The following FREM2 variants were observed in gnomAD, a reference collection of about 807,000 sequenced individuals.
FREM2 encodes FRAS1-related extracellular matrix protein 2.
In FREM2, 119 loss-of-function variants were observed where a neutral mutation model predicts 219.9. The ratio of observed to expected loss-of-function variants is 0.54; its 90% CI spans 0.47 to 0.63. FREM2 has a LOEUF of 0.63. Ranked by LOEUF, FREM2 falls within the 30% of genes least tolerant of loss-of-function variation. The pLI is 0.00. For synonymous variants in FREM2, 1,562 were observed against 1,522.8 expected (o/e 1.03, Z -0.60); for missense variants, 4,030 against 3,993.6 (o/e 1.01, Z -0.25).
chr13:38,786,634 A>T (rs1005731428), intron 6 of FREM2, among the ~76,000 whole-genome samples: 5 of 152,200 alleles, frequency 3.3e-5, no homozygotes, highest in Non-Finnish European at 7.4e-5. Flanking sequence ...GGTTTAATTT[A>T]AAAAAAGAAA....
Position 38,882,262 on chromosome 13 carries a change from G to T in FREM2, c.*1475G>T, listed in dbSNP as rs1878575907. The stretch of plus-strand genomic sequence containing the variant: ...AAGAAAAATAAGGTCAGGAGAAAAA[G>T]AATAATGCCTACAGATTATCCTTCA... On this transcript the variant is annotated 3_prime_UTR_variant, in exon 24 of 24. Coordinates refer to ENST00000280481, the MANE Select transcript of FREM2 (RefSeq NM_207361.6). 6.6e-6 allele frequency: 1 copy of T among 152,152 alleles called. No homozygotes were observed. Among genetic ancestry groups the T allele is most frequent in the Non-Finnish European group, 1.5e-5 (1 of 68,004 alleles). 9.4% of individuals were successfully genotyped at this position (152,152 alleles called of 1,614,324 possible).
chr13:38,729,879 T>C (rs1303998375), intron 2 of FREM2, among the ~76,000 whole-genome samples: 3 of 152,218 alleles, frequency 2.0e-5, no homozygotes, highest in African/African-American at 7.2e-5. Flanking sequence ...AAATATAAAG[T>C]AGTTTTATGT....
chr13:38,873,890 C>A (rs946029050), intron 17 of FREM2, among the ~76,000 whole-genome samples: 21 of 152,230 alleles, frequency 1.4e-4, no homozygotes, highest in Admixed American at 1.2e-3. Context: ...AATATGATAA[C>A]CCTGAGTTAT....
intron 17 of FREM2, 50 bp from the exon 18 acceptor site, chr13:38,874,432 G>A: frequency 7.1e-7 from 1 of 1,404,776 alleles, no homozygotes; most frequent in Non-Finnish European, 1.0e-6. Context: ...CTGTACATAA[G>A]GGGTCTCTGG....
chr13:38,710,788 A>T (rs1394946889), intron 2 of FREM2, among the ~76,000 whole-genome samples: 1 of 152,240 alleles, frequency 6.6e-6, no homozygotes, highest in Non-Finnish European at 1.5e-5. Context: ...AAGTCAAGAG[A>T]AAAATCTAAA....
intron 6 of FREM2, among the ~76,000 whole-genome samples, chr13:38,807,189 TTATATATATATATA>T (rs59551341): frequency 0.018 from 811 of 45,426 alleles, 70 homozygotes; most frequent in African/African-American, 0.031. Flanking sequence ...CTTGTCTCTG[TTATATATATATATA>T]TATATATATA....
chr13:38,817,749 CT>C (rs1475473547), intron 6 of FREM2, among the ~76,000 whole-genome samples: 1 of 152,040 alleles, frequency 6.6e-6, no homozygotes, highest in South Asian at 2.1e-4. Context: ...GCAACAGAAA[CT>C]GTTAAGAGAG....
At position 38,783,180 on chromosome 13, in the gene FREM2, T is replaced by C. The variant is rs763344299; in HGVS notation, c.5752T>C (p.Cys1918Arg). Residue 1918 changes from cysteine (C) to arginine (R), a missense_variant, in exon 5 of 24, where the codon TGT becomes CGT. Transcript: ENST00000280481. ...GDVSQELMVV[C>R]YTQQGTATGT... ...TGTGAGCCAGGAGTTGATGGTGGTCTGTTATACCCAACAAGGTAGCTCGAT... is the reference window on the plus strand; with the variant it reads ...TGTGAGCCAGGAGTTGATGGTGGTCCGTTATACCCAACAAGGTAGCTCGAT... 1.2e-6 allele frequency: 2 copies of C among 1,614,110 alleles called. No individual in the cohort carries two copies. The highest frequency in any genetic ancestry group is 1.7e-6 in the Non-Finnish European group (2 of 1,179,974).
At chr13:38,784,443 G>T (rs1191271539) in intron 5 of FREM2, 114 bp from the exon 6 acceptor site, 1 of 1,124,152 alleles carries the variant, frequency 8.9e-7, no homozygotes, top group Non-Finnish European at 1.3e-6. Flanking sequence ...AGTTCTAGGG[G>T]TGTTCATGTC....
At chr13:38,798,074 A>C (rs148307800) in intron 6 of FREM2, among the ~76,000 whole-genome samples, 4 of 152,248 alleles carry the variant, frequency 2.6e-5, no homozygotes, top group African/African-American at 9.6e-5. Context: ...AAAGGCTTTC[A>C]GCTTTTTCCT....
At position 38,691,151 on chromosome 13, in the gene FREM2, C is replaced by G; in HGVS notation, c.3807C>G (p.Asp1269Glu). The stretch of plus-strand genomic sequence containing the variant: ...CCAGCATTATTTATGAGCATGATGA[C>G]TCCGAGACCCAGGAAGACAGTTTTG... The part of the protein sequence containing the change: ...ESSSIIYEHD[D>E]SETQEDSFVI... Residue 1269 changes from aspartate (D) to glutamate (E), a missense_variant, in exon 1 of 24, where the codon GAC (aspartate) becomes GAG (glutamate). Asp to Glu is a conservative substitution (Grantham distance 45). Transcript: ENST00000280481. The G allele has an allele frequency of 3.7e-6, 6 of 1,614,074 alleles. No homozygotes were observed. The highest frequency in any genetic ancestry group is 5.1e-6 in the Non-Finnish European group (6 of 1,180,014).
chr13:38,692,321 A>C lies in FREM2; in HGVS notation c.4977A>C (p.Ala1659=). The change falls in exon 1 of 24, where the codon GCA becomes GCC. Residue 1659 remains alanine, a synonymous_variant. Transcript: ENST00000280481. The stretch of plus-strand genomic sequence containing the variant: ...TTGACAACAGTGTCCCCCAAATCGC[A>C]GTGAATAAGGGGGCCTCTACACTTC... The part of the protein sequence containing the change: ...LAVDNSVPQI[A]VNKGASTLRT... The C allele has an allele frequency of 6.2e-7, 1 of 1,608,136 alleles. No homozygotes were observed. Among genetic ancestry groups the C allele is most frequent in the Non-Finnish European group, 8.5e-7 (1 of 1,176,788 alleles).
At chr13:38,786,150 C>G (rs1283159140) in intron 6 of FREM2, among the ~76,000 whole-genome samples, 1 of 152,102 alleles carries the variant, frequency 6.6e-6, no homozygotes, top group Non-Finnish European at 1.5e-5. Context: ...AAAACCAGAG[C>G]TTGCTCCTCT....
intron 2 of FREM2, among the ~76,000 whole-genome samples, chr13:38,745,618 G>T (rs377586750): frequency 6.6e-6 from 1 of 152,056 alleles, no homozygotes; most frequent in African/African-American, 2.4e-5. Context: ...ACCCTAATCC[G>T]CTATTTTCAG....
At chr13:38,727,043 G>A (rs996635946) in intron 2 of FREM2, among the ~76,000 whole-genome samples, 13 of 152,176 alleles carry the variant, frequency 8.5e-5, no homozygotes, top group African/African-American at 2.2e-4. Context: ...TGCGAAGAAA[G>A]TATTGTTTTA....
intron 6 of FREM2, among the ~76,000 whole-genome samples, chr13:38,827,796 CTG>C (rs1388963831): frequency 2.6e-5 from 4 of 152,228 alleles, no homozygotes; most frequent in East Asian, 1.9e-4. Context: ...ATCCACAACA[CTG>C]TGAAATGCTA....
At chr13:38,840,284 T>C (rs79644596) in intron 6 of FREM2, among the ~76,000 whole-genome samples, 21,486 of 151,822 alleles carry the variant, frequency 0.14, 1,757 homozygotes, top group Admixed American at 0.24. Flanking sequence ...ATGGGCTGCA[T>C]CCACTGTCTG....
At chr13:38,863,261 G>A (rs1213027049) in intron 15 of FREM2, among the ~76,000 whole-genome samples, 1 of 152,058 alleles carries the variant, frequency 6.6e-6, no homozygotes, top group Non-Finnish European at 1.5e-5. Flanking sequence ...TGTTGGTCAG[G>A]CTGGTCTCAA....
At chr13:38,847,481 A>G (rs1277875272) in intron 7 of FREM2, among the ~76,000 whole-genome samples, 1 of 152,222 alleles carries the variant, frequency 6.6e-6, no homozygotes, top group Non-Finnish European at 1.5e-5. Flanking sequence ...CTTTGCACGT[A>G]GCAGGTGCCC....
Sources: gnomAD v4.1 joint callset for allele counts (sites outside exome capture counted in the v4.1 genomes callset) on GRCh38, gnomAD v4.1.1 for gene constraint, MANE v1.5 for transcripts, NCBI Gene and HGNC (gene_info 2026-07-23, HGNC 2026-07-21) for gene names.